Variants in ABCC4 observed in about 807,000 individuals in gnomAD.
ABCC4 encodes ATP-binding cassette sub-family C member 4.
A neutral mutation model predicts 168.5 loss-of-function variants in ABCC4; 102 were observed. That is an observed-to-expected ratio of 0.61 (90% CI 0.52 to 0.71). ABCC4 has a LOEUF of 0.71. Among genes scored for constraint, ABCC4 ranks in the 30% least tolerant of loss-of-function variants. ABCC4 has a pLI of 0.00. For synonymous variants in ABCC4, 617 were observed against 590.7 expected (o/e 1.04, Z -0.65); for missense variants, 1,402 against 1,605.8 (o/e 0.87, Z 2.17).
chr13:95,023,706 C>T (rs1206699352), intron 30 of ABCC4, among the ~76,000 whole-genome samples: 1 of 152,236 alleles, frequency 6.6e-6, no homozygotes, highest in East Asian at 1.9e-4. Flanking sequence ...GGCCCCTAAG[C>T]ACACAGAACG....
chr13:95,170,705 C>A, intron 13 of ABCC4, 77 bp from the exon 14 acceptor site: 1 of 854,104 alleles, frequency 1.2e-6, no homozygotes. Context: ...ATTTTGAAAC[C>A]GTAGTCAAAG....
At chr13:95,279,601 G>C (rs2041061258) in intron 1 of ABCC4, among the ~76,000 whole-genome samples, 1 of 152,196 alleles carries the variant, frequency 6.6e-6, no homozygotes, top group Non-Finnish European at 1.5e-5. Flanking sequence ...GTGGGGAGCA[G>C]AGAGGAAGAT....
intron 20 of ABCC4, among the ~76,000 whole-genome samples, chr13:95,086,087 T>TTGTGTGTGTG (rs55973195): frequency 0.21 from 29,577 of 141,796 alleles, 3,397 homozygotes; most frequent in Middle Eastern, 0.28. Flanking sequence ...TTTAAGGTTA[T>TTGTGTGTGTG]TGTGTGTGTG....
chr13:95,164,040 C>CAAAA (rs764381643), intron 16 of ABCC4, among the ~76,000 whole-genome samples: 2,037 of 74,190 alleles, frequency 0.027, 78 homozygotes, highest in African/African-American at 0.067. Context: ...AACTCCATCT[C>CAAAA]AAAAAAAAAA....
At chr13:95,113,971 T>C (rs1415176843) in intron 20 of ABCC4, among the ~76,000 whole-genome samples, 3 of 152,220 alleles carry the variant, frequency 2.0e-5, no homozygotes, top group Non-Finnish European at 2.9e-5. Context: ...TGGGAAGCCT[T>C]ATTAAAGACA....
chr13:95,107,387 T>C (rs1344786171), intron 20 of ABCC4, among the ~76,000 whole-genome samples: 1 of 152,236 alleles, frequency 6.6e-6, no homozygotes, highest in Non-Finnish European at 1.5e-5. Flanking sequence ...ATGTTTATAG[T>C]ATTTAAATTT....
At chr13:95,103,117 T>C (rs2034873261) in intron 20 of ABCC4, among the ~76,000 whole-genome samples, 1 of 151,682 alleles carries the variant, frequency 6.6e-6, no homozygotes, top group African/African-American at 2.4e-5. Flanking sequence ...ATACAAAAAT[T>C]AGCCTGGCGT....
chr13:95,077,056 C>T (rs1254874444), intron 21 of ABCC4, among the ~76,000 whole-genome samples: 1 of 152,136 alleles, frequency 6.6e-6, no homozygotes, highest in Non-Finnish European at 1.5e-5. Context: ...TTGATGACTA[C>T]CAGGACATAC....
At chr13:95,072,263 C>T (rs2033755248) in intron 24 of ABCC4, among the ~76,000 whole-genome samples, 1 of 152,178 alleles carries the variant, frequency 6.6e-6, no homozygotes, top group Non-Finnish European at 1.5e-5. Flanking sequence ...GTGTTTGACA[C>T]CAGCCTGGTC....
At chr13:95,286,259 ACAGGCGCC>A (rs1054858403) in intron 1 of ABCC4, among the ~76,000 whole-genome samples, 4 of 150,490 alleles carry the variant, frequency 2.7e-5, no homozygotes, top group Non-Finnish European at 5.9e-5. Flanking sequence ...AGCTGGGATT[ACAGGCGCC>A]CACCACCACA....
intron 1 of ABCC4, among the ~76,000 whole-genome samples, chr13:95,290,103 AATAGATAGATAGATAGATAG>A (rs72443922): frequency 1.8e-5 from 2 of 113,700 alleles, no homozygotes; most frequent in East Asian, 2.3e-4. Flanking sequence ...TCTCAAAAAA[AATAGATAGATAGATAGATAG>A]ATAGATAGAT....
At position 95,099,632 on chromosome 13, in the gene ABCC4, T is replaced by C. The variant is rs139373434; in HGVS notation, c.2535+16290A>G. Among the ~76,000 whole-genome samples the C allele has an allele frequency of 1.8e-3, 267 of 151,964 alleles. 3 individuals carry two copies. The highest frequency in any genetic ancestry group is 5.6e-3 in the African/African-American group (233 of 41,422). ...ATGATCTCCTCAGGTGCATTGAGGG[T>C]GGGAAAGGGCAAATGTGAGAACTAA... On this transcript the variant is annotated intron_variant, in intron 20 of 30. Transcript: ENST00000645237.
intron 20 of ABCC4, among the ~76,000 whole-genome samples, chr13:95,111,530 T>C (rs1468671814): frequency 1.3e-5 from 2 of 152,222 alleles, no homozygotes; most frequent in Non-Finnish European, 2.9e-5. Flanking sequence ...TCACTACTGT[T>C]GCACACCTGA....
chr13:95,096,592 CATA>C (rs1017373672), intron 20 of ABCC4, among the ~76,000 whole-genome samples: 9 of 151,224 alleles, frequency 6.0e-5, no homozygotes, highest in African/African-American at 2.2e-4. Flanking sequence ...GTGCAACAAG[CATA>C]ATAATGATGG....
chr13:95,132,276 C>T (rs544094524), intron 19 of ABCC4, among the ~76,000 whole-genome samples: 2 of 152,200 alleles, frequency 1.3e-5, no homozygotes, highest in South Asian at 2.1e-4. Flanking sequence ...AGTGTAGTGG[C>T]GTGATCTCGG....
At position 95,036,210 on chromosome 13, in the gene ABCC4, G is replaced by A. The variant is rs542690447; in HGVS notation, c.3736-1471C>T. 5.3e-5 allele frequency among the ~76,000 whole-genome samples: 8 copies of A among 152,290 alleles called. No individual in the cohort carries two copies. In the South Asian group the frequency reaches 1.7e-3, roughly 32 times the overall value. ...AGGTCTCTCTAATGCTAAAGACTAA[G>A]TAAATAAGTGAACCAAATTACTTGC... On this transcript the variant is annotated intron_variant, in intron 29 of 30. Transcript: ENST00000645237.
intron 14 of ABCC4, among the ~76,000 whole-genome samples, chr13:95,167,292 T>C (rs528897637): frequency 6.6e-6 from 1 of 152,322 alleles, no homozygotes; most frequent in South Asian, 2.1e-4. Context: ...TGCACAGTTT[T>C]CTCTCCTTAC....
rs141328105 is a variant in ABCC4 at position 95,241,254 on chromosome 13, A to G, written c.306+5721T>C. ...GTGGCGCACACCTGTAGTCCCAGCT[A>G]CTCAGGAGGCAGAGGCAGCAGAATC... is the stretch of plus-strand genomic sequence containing the variant. On this transcript the variant is annotated intron_variant, in intron 3 of 30. Coordinates refer to ENST00000645237, the MANE Select transcript of ABCC4 (RefSeq NM_005845.5). 5.6e-3 allele frequency among the ~76,000 whole-genome samples: 842 copies of G among 151,600 alleles called. 9 individuals are homozygous for G. Among genetic ancestry groups the G allele is most frequent in the African/African-American group, 0.018 (763 of 41,302 alleles).
chr13:95,047,085 T>C (rs1297444623), intron 27 of ABCC4, among the ~76,000 whole-genome samples: 1 of 152,184 alleles, frequency 6.6e-6, no homozygotes, highest in Non-Finnish European at 1.5e-5. Context: ...AGGAAGCAAA[T>C]GTAGCAAAAT....
Sources: gnomAD v4.1 joint callset for allele counts (sites outside exome capture counted in the v4.1 genomes callset) on GRCh38, gnomAD v4.1.1 for gene constraint, MANE v1.5 for transcripts, NCBI Gene and HGNC (gene_info 2026-07-23, HGNC 2026-07-21) for gene names.